The following SLC1A3 variants were observed in gnomAD, a reference collection of about 807,000 sequenced individuals.
SLC1A3 encodes solute carrier family 1 member 3, also known as excitatory amino acid transporter 1.
Under a neutral mutation model 48.1 loss-of-function variants are expected in SLC1A3, and 21 were observed. The observed-to-expected ratio is 0.44, with a 90% CI of 0.31 to 0.63. The LOEUF is 0.63. Ranked by LOEUF, SLC1A3 falls within the 20% of genes least tolerant of loss-of-function variation. SLC1A3 has a pLI of 0.08. For synonymous variants in SLC1A3, 239 were observed against 251.4 expected (o/e 0.95, Z 0.47); for missense variants, 546 against 689.0 (o/e 0.79, Z 2.32).
chr5:36,597,409 A>C (rs1184596835), intron 1 of SLC1A3, among the ~76,000 whole-genome samples: 1 of 151,172 alleles, frequency 6.6e-6, no homozygotes, highest in Non-Finnish European at 1.5e-5. Flanking sequence ...ACGCCCGGCT[A>C]GTTTTTGTAT....
chr5:36,625,069 T>C (rs1739848332), intron 2 of SLC1A3, among the ~76,000 whole-genome samples: 1 of 152,246 alleles, frequency 6.6e-6, no homozygotes, highest in African/African-American at 2.4e-5. Flanking sequence ...GAAAGAGCAC[T>C]GGGCTTTGTG....
At chr5:36,602,967 T>C (rs372020965), upstream of SLC1A3, among the ~76,000 whole-genome samples, 20 of 152,362 alleles carry the variant, frequency 1.3e-4, no homozygotes, top group South Asian at 4.1e-3. Flanking sequence ...TATTCTCAAA[T>C]GGTCAGTATT....
chr5:36,614,221 G>A (rs1428257033), intron 2 of SLC1A3, among the ~76,000 whole-genome samples: 2 of 152,218 alleles, frequency 1.3e-5, no homozygotes, highest in East Asian at 3.9e-4. Flanking sequence ...CAGGTAAAGT[G>A]TCCATAGACA....
chr5:36,659,833 C>G (rs558598251), intron 3 of SLC1A3, among the ~76,000 whole-genome samples: 1 of 152,084 alleles, frequency 6.6e-6, no homozygotes, highest in Non-Finnish European at 1.5e-5. Flanking sequence ...AAAGAGTGCA[C>G]GAATAAGTGA....
At chr5:36,614,809 T>A (rs942408377) in intron 2 of SLC1A3, among the ~76,000 whole-genome samples, 3 of 152,172 alleles carry the variant, frequency 2.0e-5, no homozygotes, top group African/African-American at 7.2e-5. Flanking sequence ...GCTGGAACCC[T>A]GAGAGAAATG....
intron 3 of SLC1A3, among the ~76,000 whole-genome samples, chr5:36,635,173 GAAA>G (rs545440959): frequency 7.6e-6 from 1 of 132,344 alleles, no homozygotes; most frequent in African/African-American, 2.8e-5. Flanking sequence ...ACGTTGTATT[GAAA>G]AAAAAAAAAA....
At chr5:36,598,264 C>T (rs1472098264) in intron 1 of SLC1A3, among the ~76,000 whole-genome samples, 5 of 152,204 alleles carry the variant, frequency 3.3e-5, no homozygotes, top group Non-Finnish European at 7.4e-5. Flanking sequence ...AATAATAAAA[C>T]TTAGTAACAG....
chr5:36,686,105 C>T lies in SLC1A3; in HGVS notation c.1465C>T (p.Leu489=), dbSNP rs1454153513. ...RTTTNVLGDS[L]GAGIVEHLSR... is the part of the protein sequence containing the mutation. ...CACCACCAACGTACTGGGAGACTCC[C>T]TGGGAGCTGGGATTGTGGAGCACTT... Residue 489 remains leucine (L), a synonymous_variant, in exon 10 of 10, where the codon CTG becomes TTG. Coordinates refer to ENST00000265113, the MANE Select transcript of SLC1A3 (RefSeq NM_004172.5). 2 of 1,614,074 alleles carry T rather than the reference C, an allele frequency of 1.2e-6. No individual in the cohort carries two copies. The highest frequency in any genetic ancestry group is 1.7e-5 in the Admixed American group (1 of 60,006).
chr5:36,641,238 CTTTG>C lies in SLC1A3; in HGVS notation c.319+11659_319+11662del, dbSNP rs377127361. ...AATGTGCATGTATGGGCACACATAG[CTTTG>C]TTTGTTTATTCTTTTTTCAGAAGTC... On this transcript the variant is annotated intron_variant, in intron 3 of 9. Transcript: ENST00000265113. 3.7e-3 allele frequency among the ~76,000 whole-genome samples: 570 copies of C among 152,248 alleles called. 7 individuals carry two copies. The highest frequency in any genetic ancestry group is 0.013 in the African/African-American group (552 of 41,564).
chr5:36,683,764 T>A, intron 8 of SLC1A3, 100 bp from the exon 9 acceptor site: 1 of 1,319,824 alleles, frequency 7.6e-7, no homozygotes, highest in Non-Finnish European at 1.1e-6. Context: ...TTGTGTTACA[T>A]GGCAAGTCAG....
At chr5:36,598,371 C>T (rs779350351) in intron 1 of SLC1A3, among the ~76,000 whole-genome samples, 3 of 152,256 alleles carry the variant, frequency 2.0e-5, no homozygotes, top group African/African-American at 4.8e-5. Context: ...AGTGGTGGCT[C>T]TTTTATTATT....
intron 8 of SLC1A3, among the ~76,000 whole-genome samples, chr5:36,683,118 T>C (rs1015597860): frequency 1.3e-5 from 2 of 152,214 alleles, no homozygotes; most frequent in African/African-American, 2.4e-5. Context: ...ACAACATTAA[T>C]CATGAATGTT....
In SLC1A3 at chr5:36,683,883, A is replaced by G; in HGVS notation, c.1309A>G (p.Ser437Gly). ...TAACAGCATCACAGCCACAGCTGCC[A>G]GTATTGGGGCAGCTGGAATTCCTCA... ...ITISITATAA[S>G]IGAAGIPQAG... Residue 437 changes from serine to glycine, a missense_variant, in exon 9 of 10, where the codon AGT becomes GGT. Physicochemically the swap from Ser to Gly is moderately conservative, Grantham distance 56. Transcript: ENST00000265113. The G allele has an allele frequency of 6.2e-7, 1 of 1,614,108 alleles. No homozygotes were observed.
chr5:36,670,053 T>C (rs1195926862), intron 3 of SLC1A3: 2 of 152,140 alleles, frequency 1.3e-5, no homozygotes, highest in Admixed American at 6.5e-5. Flanking sequence ...AAAGTGAAGA[T>C]ACAGCTAATA....
chr5:36,637,418 G>C (rs1033885764), intron 3 of SLC1A3, among the ~76,000 whole-genome samples: 1 of 152,194 alleles, frequency 6.6e-6, no homozygotes, highest in Non-Finnish European at 1.5e-5. Context: ...CAGAAGGCTT[G>C]AGCCTGTGTG....
Position 36,686,462 on chromosome 5 carries a change from C to G in SLC1A3, c.*193C>G. ...GCCAAAGTGTACAATTTTCATCCCA[C>G]AATTGAAATTTTTAAATCATTTCAT... is the stretch of plus-strand genomic sequence containing the variant. On this transcript the variant is annotated 3_prime_UTR_variant, in exon 10 of 10. Coordinates refer to ENST00000265113, the MANE Select transcript of SLC1A3 (RefSeq NM_004172.5). The G allele has an allele frequency of 1.7e-6, 1 of 601,312 alleles. No homozygotes were observed. The highest frequency in any genetic ancestry group is 3.0e-6 in the Non-Finnish European group (1 of 338,446). 37.2% of individuals were successfully genotyped at this position (601,312 alleles called of 1,614,324 possible).
At chr5:36,601,917 T>C (rs1738813184), upstream of SLC1A3, among the ~76,000 whole-genome samples, 1 of 152,156 alleles carries the variant, frequency 6.6e-6, no homozygotes, top group South Asian at 2.1e-4. Context: ...GTGCAGCAAC[T>C]CTTTTCTGAG....
intron 3 of SLC1A3, among the ~76,000 whole-genome samples, chr5:36,641,074 G>A (rs924706301): frequency 4.6e-5 from 7 of 151,814 alleles, no homozygotes; most frequent in African/African-American, 1.7e-4. Context: ...CCCATTTCTG[G>A]TATAAGCTTC....
At chr5:36,618,446 C>A (rs1442571118) in intron 2 of SLC1A3, among the ~76,000 whole-genome samples, 2 of 152,158 alleles carry the variant, frequency 1.3e-5, no homozygotes, top group African/African-American at 4.8e-5. Flanking sequence ...TCACCCCGCT[C>A]CCAGGCCAGC....
Sources: gnomAD v4.1 joint callset for allele counts (sites outside exome capture counted in the v4.1 genomes callset) on GRCh38, gnomAD v4.1.1 for gene constraint, MANE v1.5 for transcripts, NCBI Gene and HGNC (gene_info 2026-07-23, HGNC 2026-07-21) for gene names.